The following ARHGAP44 variants were observed in gnomAD, a reference collection of about 807,000 sequenced individuals.
ARHGAP44 encodes Rho GTPase activating protein 44.
Under a neutral mutation model 106.8 loss-of-function variants are expected in ARHGAP44, and 43 were observed. The ratio of observed to expected loss-of-function variants is 0.40; its 90% CI spans 0.32 to 0.52. The LOEUF (loss-of-function observed/expected upper bound fraction) is 0.52, where lower values mean the gene tolerates loss of function less well. ARHGAP44 is among the 20% of genes least tolerant of loss of function. The probability of loss-of-function intolerance (pLI) is 0.48; values close to 1 mark genes in which losing one functional copy is unlikely to be tolerated. For missense variants in ARHGAP44, 866 were observed against 1,050.5 expected, an observed-to-expected ratio of 0.82 and a Z score of 2.43; for synonymous variants, 439 against 410.3, an observed-to-expected ratio of 1.07 and a Z score of -0.85.
intron 20 of ARHGAP44, among the ~76,000 whole-genome samples, chr17:12,989,323 C>T (rs1241100978): frequency 6.6e-6 from 1 of 152,122 alleles, no homozygotes; most frequent in Non-Finnish European, 1.5e-5. Flanking sequence ...GTCCACTCAG[C>T]TGCCAGTCTA....
At chr17:12,859,784 G>A (rs2036015117) in intron 1 of ARHGAP44, among the ~76,000 whole-genome samples, 1 of 152,206 alleles carries the variant, frequency 6.6e-6, no homozygotes. Context: ...CCCATTCAGG[G>A]CCACACGGGA....
At chr17:12,872,930 C>T (rs771971231) in intron 1 of ARHGAP44, among the ~76,000 whole-genome samples, 12 of 152,138 alleles carry the variant, frequency 7.9e-5, no homozygotes, top group Non-Finnish European at 1.8e-4. Context: ...TAGTCAATTC[C>T]GCGGTAACAT....
rs774755105 is a variant in ARHGAP44 at position 12,916,019 on chromosome 17, G to A, written c.387+8G>A. On this transcript the variant is annotated splice_region_variant and intron_variant, in intron 5 of 20. Transcript: ENST00000379672. ...CTGTTTTTGCTGGCGGAGGTAAGCA[G>A]CAGGAGTGAGGCCAGGCCTGAAAGA... The A allele has an allele frequency of 3.1e-6, 5 of 1,611,926 alleles. No individual in the cohort carries two copies. In the South Asian group the frequency reaches 3.3e-5, roughly 11 times the overall value.
rs139945422 is a variant in ARHGAP44, at chr17:12,810,189, A to G, written c.53+20298A>G. 1.2e-3 allele frequency among the ~76,000 whole-genome samples: 187 copies of G among 152,296 alleles called. 3 individuals carry two copies. Among genetic ancestry groups the G allele is most frequent in the Non-Finnish European group, 2.5e-3 (167 of 68,008 alleles). The stretch of plus-strand genomic sequence containing the variant: ...AAATCCTTGTTTGACCCACTGTGTT[A>G]GTTTCCCAGAGCTGCCATAACAAAT... On this transcript the variant is annotated intron_variant, in intron 1 of 20. Transcript: ENST00000379672.
At chr17:12,887,734 G>A (rs1378464284) in intron 1 of ARHGAP44, among the ~76,000 whole-genome samples, 4 of 152,070 alleles carry the variant, frequency 2.6e-5, no homozygotes, top group Non-Finnish European at 5.9e-5. Context: ...ACATTTGGTA[G>A]AATTATCTAA....
chr17:12,943,655 T>A lies in ARHGAP44; in HGVS notation c.719T>A (p.Ile240Asn), dbSNP rs2038764032. 6.2e-7 allele frequency: 1 copy of A among 1,613,626 alleles called. No individual in the cohort carries two copies. The highest frequency in any genetic ancestry group is 8.5e-7 in the Non-Finnish European group (1 of 1,179,858). Residue 240 changes from isoleucine (I) to asparagine (N), a missense_variant, in exon 9 of 21, where the codon ATC becomes AAC. Coordinates refer to ENST00000379672, the MANE Select transcript of ARHGAP44 (RefSeq NM_014859.6). Reference protein sequence around the residue: ...LTLLQAVLPQIKAQQEAWVEK... With the variant: ...LTLLQAVLPQNKAQQEAWVEK... ...CTATTGCAGGCTGTATTGCCTCAGA[T>A]CAAAGCACAACAGGGTAAGTGCAGG...
At position 12,975,795 on chromosome 17, in the gene ARHGAP44, C is replaced by CAAAAAAAAAA. The variant is rs57364760; in HGVS notation, c.1763+1498_1763+1507dup. On this transcript the variant is annotated intron_variant, in intron 18 of 20. Transcript: ENST00000379672. ...CCTGGGTGACAGCGTGACTCCGTCT[C>CAAAAAAAAAA]AAAAAAAAAAAAAAAAAAAAAAGAA... 5.9e-4 allele frequency among the ~76,000 whole-genome samples: 41 copies of CAAAAAAAAAA among 69,252 alleles called. 1 individual carries two copies. Among genetic ancestry groups the CAAAAAAAAAA allele is most frequent in the Non-Finnish European group, 7.2e-4 (28 of 38,842 alleles). The allele number at this position is 69,252 out of a possible 152,430, so 45.4% of individuals were successfully genotyped here.
chr17:12,895,749 T>C (rs1034561164), intron 2 of ARHGAP44, among the ~76,000 whole-genome samples: 5 of 152,186 alleles, frequency 3.3e-5, no homozygotes, highest in African/African-American at 1.2e-4. Flanking sequence ...ATCCCATTAC[T>C]GGGTATATAC....
chr17:12,884,602 C>T (rs2036830590), intron 1 of ARHGAP44, among the ~76,000 whole-genome samples: 1 of 152,132 alleles, frequency 6.6e-6, no homozygotes, highest in South Asian at 2.1e-4. Context: ...TTAACACAGA[C>T]ATAGATTTAT....
intron 3 of ARHGAP44, among the ~76,000 whole-genome samples, chr17:12,903,123 A>AGGG (rs1567677712): frequency 3.9e-4 from 33 of 84,722 alleles, no homozygotes; most frequent in East Asian, 2.2e-3. Flanking sequence ...AGAGAGAGAG[A>AGGG]GAGGAGAGAG....
intron 12 of ARHGAP44, 84 bp from the exon 13 acceptor site, chr17:12,952,417 T>C: frequency 8.7e-7 from 1 of 1,146,854 alleles, no homozygotes; most frequent in Non-Finnish European, 1.3e-6. Flanking sequence ...TGGTATCAAA[T>C]ATTACAATGA....
At chr17:12,944,301 G>A (rs77150917) in intron 10 of ARHGAP44, 105 bp downstream of exon 10, 74,384 of 1,389,826 alleles carry the variant, frequency 0.054, 2,318 homozygotes, top group Admixed American at 0.11. Flanking sequence ...CGGCCCCCAC[G>A]AATCCAAATG....
At chr17:12,910,653 CCAGACTGGT>C (rs2037701939) in intron 4 of ARHGAP44, among the ~76,000 whole-genome samples, 1 of 151,788 alleles carries the variant, frequency 6.6e-6, no homozygotes, top group East Asian at 1.9e-4. Context: ...ACCATGCTGG[CCAGACTGGT>C]CATGAACTCC....
intron 7 of ARHGAP44, among the ~76,000 whole-genome samples, chr17:12,939,961 T>C (rs2038661967): frequency 6.6e-6 from 1 of 152,226 alleles, no homozygotes; most frequent in African/African-American, 2.4e-5. Context: ...ATACTGAAAA[T>C]GAAACATATT....
In ARHGAP44 at chr17:12,849,594, T is replaced by TTTTTTTG. The variant is rs11373135; in HGVS notation, c.54-45346_54-45345insTTTTTTG. ...TTTTTTTTTTTTTTTTTTTTTTTTTTGCTTGGCTTCAGCGTTTTCACCTTG... is the reference window on the plus strand; with the variant it reads ...TTTTTTTTTTTTTTTTTTTTTTTTTTTTTTTTGGCTTGGCTTCAGCGTTTTCACCTTG... On this transcript the variant is annotated intron_variant, in intron 1 of 20. Transcript: ENST00000379672. 6.1e-4 allele frequency among the ~76,000 whole-genome samples: 69 copies of TTTTTTTG among 112,452 alleles called. 6 individuals are homozygous for TTTTTTTG. The South Asian group carries it at 8.2e-3, about 13-fold the overall frequency. The allele number at this position is 112,452 out of a possible 152,430, so 73.8% of individuals were successfully genotyped here.
chr17:12,929,569 G>A (rs751989121), intron 7 of ARHGAP44, among the ~76,000 whole-genome samples: 36 of 152,304 alleles, frequency 2.4e-4, no homozygotes, highest in Non-Finnish European at 4.0e-4. Context: ...AGAGGACATC[G>A]TTCTGAAAAC....
At chr17:12,796,120 T>C (rs1294492795) in intron 1 of ARHGAP44, among the ~76,000 whole-genome samples, 2 of 136,450 alleles carry the variant, frequency 1.5e-5, no homozygotes, top group Non-Finnish European at 3.1e-5. Context: ...ATATAGTCTT[T>C]CAGTTTTTGA....
rs1597989518 is a variant in ARHGAP44, at chr17:12,880,509, T to C, written c.54-14431T>C. Among the ~76,000 whole-genome samples, 6 of 152,320 alleles carry C rather than the reference T, an allele frequency of 3.9e-5. 1 individual carries two copies. Among genetic ancestry groups the C allele is most frequent in the Admixed American group, 3.9e-4 (6 of 15,302 alleles). On this transcript the variant is annotated intron_variant, in intron 1 of 20. Transcript: ENST00000379672. ...ATCGTAATTTAAGTAGTCTTTTTGT[T>C]ATTTTTTTCCAATCAACATTGTACC...
At chr17:12,910,388 A>G (rs1458304974) in intron 4 of ARHGAP44, among the ~76,000 whole-genome samples, 2 of 151,510 alleles carry the variant, frequency 1.3e-5, no homozygotes. Flanking sequence ...TGTAGTACAT[A>G]CACATGGAAG....
Sources: allele counts gnomAD v4.1 joint callset (sites outside exome capture counted in the v4.1 genomes callset), GRCh38; gene constraint gnomAD v4.1.1; transcripts MANE v1.5; gene names NCBI Gene and HGNC (gene_info 2026-07-23, HGNC 2026-07-21).